The following NYAP1 variants were observed in gnomAD, a reference collection of about 807,000 sequenced individuals.
NYAP1 encodes neuronal tyrosine-phosphorylated phosphoinositide-3-kinase adapter 1.
NYAP1 carries 20 observed loss-of-function variants against 58.6 expected under a neutral mutation model. That is an observed-to-expected ratio of 0.34 (90% CI 0.24 to 0.50). The LOEUF is 0.50. NYAP1 is among the 20% of genes least tolerant of loss of function. NYAP1 has a pLI of 0.98. For synonymous variants in NYAP1, 572 were observed against 523.1 expected, an observed-to-expected ratio of 1.09 and a Z score of -1.27; for missense variants, 1,150 against 1,194.5, an observed-to-expected ratio of 0.96 and a Z score of 0.55.
In NYAP1 at chr7:100,491,041, G is replaced by C. The variant is rs1454155378; in HGVS notation, c.2214G>C (p.Gln738His). 9 of 1,560,100 alleles carry C rather than the reference G, an allele frequency of 5.8e-6. No homozygotes were observed. Among genetic ancestry groups the C allele is most frequent in the Non-Finnish European group, 7.8e-6 (9 of 1,151,800 alleles). ...GRSASTSGVR[Q>H]VVLHTPRPCS... Reference sequence around the variant, plus strand: ...CCGCCTCCACCTCCGGAGTCCGGCAGGTCGTGCTCCACACACCCCGGCCCT... The same window carrying C: ...CCGCCTCCACCTCCGGAGTCCGGCACGTCGTGCTCCACACACCCCGGCCCT... The change falls in exon 6 of 7, where the codon CAG becomes CAC. Residue 738 changes from glutamine to histidine, a missense_variant. By Grantham distance (24) the Gln-to-His change is conservative (BLOSUM62 0). Coordinates refer to ENST00000300179, the MANE Select transcript of NYAP1 (RefSeq NM_173564.4).
At position 100,485,575 on chromosome 7, in the gene NYAP1, G is replaced by C. The variant is rs1799692724; in HGVS notation, c.68+196G>C. Among the ~76,000 whole-genome samples the C allele has an allele frequency of 6.6e-6, 1 of 152,152 alleles. No homozygotes were observed. The highest frequency in any genetic ancestry group is 2.1e-4 in the South Asian group (1 of 4,832). On this transcript the variant is annotated intron_variant, in intron 2 of 6. Transcript: ENST00000300179. This position sits in a 1 kb window ranked among gnomAD's most constrained non-coding sequence, Gnocchi z 5.7. ...CTCCTGTGGGGGGGTTTACAGCCTA[G>C]GAGCACCCCTTTGGTTGTTCCCCAT...
At position 100,490,549 on chromosome 7, in the gene NYAP1, A is replaced by C; in HGVS notation, c.1978A>C (p.Ser660Arg). The change falls in exon 5 of 7, where the codon AGT becomes CGT. Residue 660 changes from serine to arginine, a missense_variant. Physicochemically the swap from Ser to Arg is moderately radical, Grantham distance 110. Coordinates refer to ENST00000300179, the MANE Select transcript of NYAP1 (RefSeq NM_173564.4). This position sits in a 1 kb window ranked among gnomAD's most constrained non-coding sequence, Gnocchi z 4.6. ...VEDGARAWNG[S>R]AEGPGKVERE... ...GGACGGTGCCCGGGCCTGGAATGGCAGTGCCGAGGGTCCAGGCAAGGTGGA... is the reference window on the plus strand; with the variant it reads ...GGACGGTGCCCGGGCCTGGAATGGCCGTGCCGAGGGTCCAGGCAAGGTGGA... The C allele has an allele frequency of 2.5e-6, 4 of 1,588,548 alleles. No homozygotes were observed. Among genetic ancestry groups the C allele is most frequent in the East Asian group, 2.3e-5 (1 of 43,898 alleles).
chr7:100,487,030 GT>G lies in NYAP1; in HGVS notation c.279del (p.Ser93ArgfsTer110). The G allele has an allele frequency of 6.2e-7, 1 of 1,605,980 alleles. No homozygotes were observed. The highest frequency in any genetic ancestry group is 8.5e-7 in the Non-Finnish European group (1 of 1,176,070). ...LSCHSVGSMD[S>X]VGGGPGGASG... Reference sequence around the variant, plus strand: ...TGCCACTCGGTGGGCAGCATGGACAGTGTCGGGGGTGGCCCTGGCGGGGCCA... The same window carrying G: ...TGCCACTCGGTGGGCAGCATGGACAGGTCGGGGGTGGCCCTGGCGGGGCCA... On this transcript the variant is annotated frameshift_variant, in exon 3 of 7. Transcript: ENST00000300179. LOFTEE classifies it high-confidence loss of function. The surrounding 1 kb of genome is among the most constrained non-coding windows in gnomAD (Gnocchi z 4.1).
chr7:100,487,495 G>A lies in NYAP1; in HGVS notation c.430+313G>A, dbSNP rs930704837. Among the ~76,000 whole-genome samples, 45 of 151,720 alleles carry A rather than the reference G, an allele frequency of 3.0e-4. 1 individual carries two copies. The highest frequency in any genetic ancestry group is 1.0e-3 in the African/African-American group (43 of 41,442). On this transcript the variant is annotated intron_variant, in intron 3 of 6. Transcript: ENST00000300179. This position sits in a 1 kb window ranked among gnomAD's most constrained non-coding sequence, Gnocchi z 4.1. The stretch of plus-strand genomic sequence containing the variant: ...GGGACAAGCCCCGTGGCTCACGCCC[G>A]TAATCTCAGCACTTTTTTTTTTTTG...
Position 100,493,921 on chromosome 7 carries a change from C to G in NYAP1, c.*18C>G. 1 of 1,425,282 alleles carries G rather than the reference C, an allele frequency of 7.0e-7. No individual in the cohort carries two copies. The allele number at this position is 1,425,282 out of a possible 1,614,324, so 88.3% of individuals were successfully genotyped here. On this transcript the variant is annotated 3_prime_UTR_variant, in exon 7 of 7. Transcript: ENST00000300179. ...CCATCTGAGGCGGGCGGGGGGGTAC[C>G]GGGGCGCCTGGACTGGGGAGGGGGC...
rs1799691056 is a variant in NYAP1 at position 100,485,447 on chromosome 7, C to A, written c.68+68C>A. The A allele has an allele frequency of 7.8e-7, 1 of 1,290,216 alleles. No individual in the cohort carries two copies. The highest frequency in any genetic ancestry group is 1.1e-6 in the Non-Finnish European group (1 of 914,054). The allele number at this position is 1,290,216 out of a possible 1,614,324, so 79.9% of individuals were successfully genotyped here. On this transcript the variant is annotated intron_variant, in intron 2 of 6. Coordinates refer to ENST00000300179, the MANE Select transcript of NYAP1 (RefSeq NM_173564.4). The surrounding 1 kb of genome is among the most constrained non-coding windows in gnomAD (Gnocchi z 5.7). ...TGCCTGCCCCCTCACTGGGCCACAG[C>A]CCTTCTCGGGGGCCGGCAGCCTTGT... is the stretch of plus-strand genomic sequence containing the variant.
rs763156887 is a variant in NYAP1, at chr7:100,488,979, G to C, written c.1258G>C (p.Gly420Arg). Residue 420 changes from glycine (G) to arginine (R), a missense_variant, in exon 4 of 7, where the codon GGG (glycine) becomes CGG (arginine). Physicochemically the swap from Gly to Arg is moderately radical, Grantham distance 125. Coordinates refer to ENST00000300179, the MANE Select transcript of NYAP1 (RefSeq NM_173564.4). The surrounding 1 kb of genome is among the most constrained non-coding windows in gnomAD (Gnocchi z 5.9). ...ACCCCAGGGCTCTGGCCAGCCCCGG[G>C]GGGAGCGGGAGCTCCCCAACTCCCA... ...LPPQGSGQPR[G>R]ERELPNSHSM... 45 of 1,576,582 alleles carry C rather than the reference G, an allele frequency of 2.9e-5. No homozygotes were observed. Among genetic ancestry groups the C allele is most frequent in the Non-Finnish European group, 3.7e-5 (43 of 1,169,016 alleles).
chr7:100,492,023 C>T (rs1799802369), intron 6 of NYAP1, among the ~76,000 whole-genome samples: 2 of 151,432 alleles, frequency 1.3e-5, no homozygotes, highest in South Asian at 4.2e-4. Context: ...CTCCAGTGGC[C>T]TGGGCAACAG....
rs1409429127 is a variant in NYAP1, at chr7:100,485,460, C to A, written c.68+81C>A. 7.2e-6 allele frequency: 8 copies of A among 1,105,838 alleles called. No homozygotes were observed. Among genetic ancestry groups the A allele is most frequent in the Non-Finnish European group, 1.1e-5 (8 of 751,132 alleles). The allele number at this position is 1,105,838 out of a possible 1,614,324, so 68.5% of individuals were successfully genotyped here. On this transcript the variant is annotated intron_variant, in intron 2 of 6. Coordinates refer to ENST00000300179, the MANE Select transcript of NYAP1 (RefSeq NM_173564.4). This position sits in a 1 kb window ranked among gnomAD's most constrained non-coding sequence, Gnocchi z 5.7. ...ACTGGGCCACAGCCCTTCTCGGGGGCCGGCAGCCTTGTCATGAGTGAGCTC... is the reference window on the plus strand; with the variant it reads ...ACTGGGCCACAGCCCTTCTCGGGGGACGGCAGCCTTGTCATGAGTGAGCTC...
intron 6 of NYAP1, 121 bp from the exon 7 acceptor site, chr7:100,493,525 G>T (rs900604330): frequency 2.5e-5 from 23 of 912,354 alleles, no homozygotes; most frequent in Non-Finnish European, 3.2e-5. Context: ...GAGGCCGTTG[G>T]GGGGCAAGCA....
In NYAP1 at chr7:100,485,344, G is replaced by T. The variant is rs757787624; in HGVS notation, c.33G>T (p.Glu11Asp). Residue 11 changes from glutamate to aspartate, a missense_variant, in exon 2 of 7, where the codon GAG (glutamate) becomes GAT (aspartate). Coordinates refer to ENST00000300179, the MANE Select transcript of NYAP1 (RefSeq NM_173564.4). This position sits in a 1 kb window ranked among gnomAD's most constrained non-coding sequence, Gnocchi z 5.7. ...TCCTCTACCGAAAAACCAAGCTGGA[G>T]TGGAGGCAGCACAAGGAAGAGGAGG... MNLLYRKTKLEWRQHKEEEAK... is the reference protein window; with the variant it reads MNLLYRKTKLDWRQHKEEEAK... 7 of 1,603,976 alleles carry T rather than the reference G, an allele frequency of 4.4e-6. No homozygotes were observed. The Admixed American group carries it at 1.2e-4, about 27-fold the overall frequency.
At position 100,494,049 on chromosome 7, in the gene NYAP1, T is replaced by TGG. The variant is rs1799836502; in HGVS notation, c.*149_*150dup. The TGG allele has an allele frequency of 2.9e-6, 2 of 700,908 alleles. No individual in the cohort carries two copies. The highest frequency in any genetic ancestry group is 6.6e-5 in the East Asian group (2 of 30,226). The allele number at this position is 700,908 out of a possible 1,614,324, so 43.4% of individuals were successfully genotyped here. On this transcript the variant is annotated 3_prime_UTR_variant, in exon 7 of 7. Transcript: ENST00000300179. ...CTGCCCTCCAACCTACCCCCCGGGA[T>TGG]GGGGAGAGTCTGCCAGGCCCATTGG...
chr7:100,490,922 C>G lies in NYAP1; in HGVS notation c.2159-64C>G, dbSNP rs1799787189. 1 of 1,180,736 alleles carries G rather than the reference C, an allele frequency of 8.5e-7. No homozygotes were observed. The highest frequency in any genetic ancestry group is 1.4e-5 in the South Asian group (1 of 69,984). 73.1% of individuals were successfully genotyped at this position (1,180,736 alleles called of 1,614,324 possible). ...GCCTGGACCATTCAAGGGCAGGGGA[C>G]TGGGAACTAGGGGAGGGGTACCTGA... On this transcript the variant is annotated intron_variant, in intron 5 of 6. Transcript: ENST00000300179. The surrounding 1 kb of genome is among the most constrained non-coding windows in gnomAD (Gnocchi z 4.6).
chr7:100,489,687 GGGGGCTGGCATCAGGGGTGGGGGGCAGCT>G, intron 4 of NYAP1, 21 bp downstream of exon 4: 1 of 1,423,420 alleles, frequency 7.0e-7, no homozygotes, highest in Non-Finnish European at 9.4e-7. Flanking sequence ...GGTGGGGAGT[GGGGGCTGGCATCAGGGGTGGGGGGCAGCT>G]GGGGATGCCT....
chr7:100,489,102 A>G lies in NYAP1; in HGVS notation c.1381A>G (p.Thr461Ala). 2 of 1,577,962 alleles carry G rather than the reference A, an allele frequency of 1.3e-6. No homozygotes were observed. Among genetic ancestry groups the G allele is most frequent in the Non-Finnish European group, 8.6e-7 (1 of 1,162,488 alleles). ...CCCCAAGGACAAGGCCGTGTCTTACACCATGGTGTACTCGGCGGTCAAGGT... is the reference window on the plus strand; with the variant it reads ...CCCCAAGGACAAGGCCGTGTCTTACGCCATGGTGTACTCGGCGGTCAAGGT... ...GPPKDKAVSY[T>A]MVYSAVKVTT... The change falls in exon 4 of 7, where the codon ACC (threonine) becomes GCC (alanine). Residue 461 changes from threonine (T) to alanine (A), a missense_variant. Physicochemically the swap from Thr to Ala is moderately conservative, Grantham distance 58. Transcript: ENST00000300179.
Position 100,488,264 on chromosome 7 carries a change from C to T in NYAP1, c.543C>T (p.Pro181=), listed in dbSNP as rs774797354. 2.5e-6 allele frequency: 4 copies of T among 1,614,032 alleles called. No individual in the cohort carries two copies. Among genetic ancestry groups the T allele is most frequent in the Admixed American group, 1.7e-5 (1 of 60,002 alleles). Residue 181 remains proline (P), a synonymous_variant, in exon 4 of 7, where the codon CCC becomes CCT. Transcript: ENST00000300179. This position sits in a 1 kb window ranked among gnomAD's most constrained non-coding sequence, Gnocchi z 5.9. ...QLSVSFDESC[P]PGPSPRGGNL... is the part of the protein sequence containing the mutation. Reference sequence around the variant, plus strand: ...CTGTCTCCTTCGATGAGTCCTGCCCCCCAGGCCCCTCTCCTCGAGGGGGGA... The same window carrying T: ...CTGTCTCCTTCGATGAGTCCTGCCCTCCAGGCCCCTCTCCTCGAGGGGGGA...
chr7:100,491,173 GC>G, intron 6 of NYAP1, 78 bp downstream of exon 6: 1 of 990,960 alleles, frequency 1.0e-6, no homozygotes, highest in Non-Finnish European at 1.5e-6. Context: ...CAATAAAGGG[GC>G]CAGGGCTGGG....
At chr7:100,493,163 A>G (rs1280224922) in intron 6 of NYAP1, among the ~76,000 whole-genome samples, 1 of 152,160 alleles carries the variant, frequency 6.6e-6, no homozygotes, top group African/African-American at 2.4e-5. Flanking sequence ...CAACAAAGCA[A>G]GATCCCATAA....
rs1049187968 is a variant in NYAP1, at chr7:100,493,911, G to A, written c.*8G>A. 9 of 1,431,220 alleles carry A rather than the reference G, an allele frequency of 6.3e-6. No homozygotes were observed. The highest frequency in any genetic ancestry group is 1.5e-5 in the South Asian group (1 of 68,074). 88.7% of individuals were successfully genotyped at this position (1,431,220 alleles called of 1,614,324 possible). On this transcript the variant is annotated 3_prime_UTR_variant, in exon 7 of 7. Coordinates refer to ENST00000300179, the MANE Select transcript of NYAP1 (RefSeq NM_173564.4). ...TGGGACACCGCCATCTGAGGCGGGC[G>A]GGGGGGTACCGGGGCGCCTGGACTG...
Sources: gnomAD v4.1 joint callset for allele counts (sites outside exome capture counted in the v4.1 genomes callset) on GRCh38, gnomAD v4.1.1 for gene constraint, Gnocchi (gnomAD v3.1) non-coding constraint, MANE v1.5 for transcripts, NCBI Gene and HGNC (gene_info 2026-07-23, HGNC 2026-07-21) for gene names.